Variants in METAP1 observed in about 807,000 individuals in gnomAD.
The protein encoded by METAP1 is methionyl aminopeptidase 1, also known as methionine aminopeptidase 1.
A neutral mutation model predicts 53.8 loss-of-function variants in METAP1; 28 were observed. That is an observed-to-expected ratio of 0.52 (90% confidence interval 0.39 to 0.71). The LOEUF is 0.71. METAP1 is among the 30% of genes least tolerant of loss of function. The pLI is 0.00. For synonymous variants in METAP1, 181 were observed against 165.7 expected, an observed-to-expected ratio of 1.09 and a Z score of -0.71; for missense variants, 389 against 479.8, an observed-to-expected ratio of 0.81 and a Z score of 1.77.
At chr4:98,999,022 G>C (rs1443244635) in intron 1 of METAP1, among the ~76,000 whole-genome samples, 1 of 152,100 alleles carries the variant, frequency 6.6e-6, no homozygotes, top group Non-Finnish European at 1.5e-5. Flanking sequence ...GTTGAGGCTG[G>C]TCTCGAACTG....
chr4:99,038,039 G>A (rs2110356963), intron 4 of METAP1: 1 of 151,868 alleles, frequency 6.6e-6, no homozygotes, highest in South Asian at 2.1e-4. Context: ...TTATTCCTGG[G>A]TACTTCATCT....
chr4:98,995,761 C>T lies in METAP1; in HGVS notation c.8C>T (p.Ala3Val). 1.3e-6 allele frequency: 2 copies of T among 1,544,648 alleles called. No individual in the cohort carries two copies. Among genetic ancestry groups the T allele is most frequent in the Non-Finnish European group, 1.7e-6 (2 of 1,143,792 alleles). The stretch of plus-strand genomic sequence containing the variant: ...TTCCAGCGGGCAGGCAGCATGGCGG[C>T]CGTGGAGACGCGGGTGTGCGAGACA... MA[A>V]VETRVCETDG... The change falls in exon 1 of 11, where the codon GCC becomes GTC. Residue 3 changes from alanine to valine, a missense_variant. Transcript: ENST00000296411.
At position 99,005,893 on chromosome 4, in the gene METAP1, G is replaced by C. The variant is rs60855502; in HGVS notation, c.114+10026G>C. ...TGGGTACTCAAAGACATTCGGAGTG[G>C]TATAATGGACTTTGGAGACTCAGAA... On this transcript the variant is annotated intron_variant, in intron 1 of 10. Coordinates refer to ENST00000296411, the MANE Select transcript of METAP1 (RefSeq NM_015143.3). 2.3e-3 allele frequency: 645 copies of C among 285,288 alleles called. 3 individuals are homozygous for C. Among genetic ancestry groups the C allele is most frequent in the African/African-American group, 0.013 (601 of 44,632 alleles). 17.7% of individuals were successfully genotyped at this position (285,288 alleles called of 1,614,324 possible).
intron 10 of METAP1, among the ~76,000 whole-genome samples, chr4:99,060,403 GC>G (rs2110440900): frequency 7.6e-6 from 1 of 131,424 alleles, no homozygotes; most frequent in Admixed American, 9.4e-5. Flanking sequence ...TTGGTCTGTC[GC>G]CCAGGCTGGA....
chr4:99,026,649 G>A (rs1186895698), intron 1 of METAP1: 4 of 985,284 alleles, frequency 4.1e-6, no homozygotes, highest in Non-Finnish European at 4.8e-6. Flanking sequence ...ACTCTTCAGA[G>A]AATGGATAGT....
At chr4:99,057,959 C>T (rs1009119637) in intron 10 of METAP1, 141 bp downstream of exon 10, 4 of 691,614 alleles carry the variant, frequency 5.8e-6, no homozygotes, top group East Asian at 2.7e-5. Context: ...GATTCAGTAT[C>T]GTGAAGAACT....
chr4:99,011,614 C>G (rs1466151206), intron 1 of METAP1, among the ~76,000 whole-genome samples: 1 of 152,088 alleles, frequency 6.6e-6, no homozygotes, highest in African/African-American at 2.4e-5. Context: ...TAGTCTTTAT[C>G]TGGCTTTGGT....
intron 1 of METAP1, among the ~76,000 whole-genome samples, chr4:99,020,594 A>C (rs1724049222): frequency 6.6e-6 from 1 of 152,096 alleles, no homozygotes; most frequent in Non-Finnish European, 1.5e-5. Context: ...AGGGGATCCC[A>C]CTGGATATTC....
intron 1 of METAP1, chr4:99,026,132 G>T (rs1486960269): frequency 3.1e-6 from 2 of 640,318 alleles, no homozygotes; most frequent in African/African-American, 4.0e-5. Flanking sequence ...TGTCACTGGT[G>T]CATCCTTAAC....
intron 1 of METAP1, among the ~76,000 whole-genome samples, chr4:99,017,570 G>A (rs1230182): frequency 0.16 from 23,984 of 152,230 alleles, 3,216 homozygotes; most frequent in East Asian, 0.8. Flanking sequence ...CAAATGTTCT[G>A]TTTGCAGCAA....
chr4:98,996,614 C>T (rs28550936), intron 1 of METAP1, among the ~76,000 whole-genome samples: 2,059 of 152,272 alleles, frequency 0.014, 40 homozygotes, highest in African/African-American at 0.047. Flanking sequence ...AGGACAGTTC[C>T]ATTGAGGGTT....
In METAP1 at chr4:99,061,421, T is replaced by C. The variant is rs1727541012; in HGVS notation, c.*104T>C. The stretch of plus-strand genomic sequence containing the variant: ...CTTTTTTTAATCACTTGTTTTGTTT[T>C]GACTATAGATAAGAAAGGACTACAG... On this transcript the variant is annotated 3_prime_UTR_variant, in exon 11 of 11. Coordinates refer to ENST00000296411, the MANE Select transcript of METAP1 (RefSeq NM_015143.3). 1.8e-6 allele frequency: 2 copies of C among 1,127,936 alleles called. No homozygotes were observed. Among genetic ancestry groups the C allele is most frequent in the Non-Finnish European group, 2.5e-6 (2 of 800,570 alleles). The allele number at this position is 1,127,936 out of a possible 1,614,324, so 69.9% of individuals were successfully genotyped here.
At chr4:99,019,920 T>C (rs1476565738) in intron 1 of METAP1, among the ~76,000 whole-genome samples, 2 of 152,200 alleles carry the variant, frequency 1.3e-5, no homozygotes, top group Non-Finnish European at 2.9e-5. Flanking sequence ...TTTCTCTTGT[T>C]GTTCATCAAA....
rs556761582 is a variant in METAP1, at chr4:99,051,546, C to T, written c.931+2670C>T. Among the ~76,000 whole-genome samples the T allele has an allele frequency of 2.0e-5, 3 of 151,938 alleles. No homozygotes were observed. In the South Asian group the frequency reaches 6.3e-4, roughly 32 times the overall value. ...AGCTGGTACTTCAGGTGTGGGCCAC[C>T]ATCCCTGGCTAATTTTTATATTTTT... On this transcript the variant is annotated intron_variant, in intron 9 of 10. Coordinates refer to ENST00000296411, the MANE Select transcript of METAP1 (RefSeq NM_015143.3).
intron 1 of METAP1, among the ~76,000 whole-genome samples, chr4:98,996,179 C>T (rs1322418356): frequency 6.6e-6 from 1 of 151,984 alleles, no homozygotes; most frequent in Non-Finnish European, 1.5e-5. Flanking sequence ...GGCCGGTTCC[C>T]CGCGCTGGGG....
chr4:99,035,732 A>C (rs983709563), intron 4 of METAP1, among the ~76,000 whole-genome samples: 1 of 149,836 alleles, frequency 6.7e-6, no homozygotes, highest in Non-Finnish European at 1.5e-5. Context: ...TTACTAAAAA[A>C]CAGTTTTTAA....
intron 9 of METAP1, among the ~76,000 whole-genome samples, chr4:99,053,772 A>C (rs1257709775): frequency 6.6e-6 from 1 of 152,122 alleles, no homozygotes; most frequent in Non-Finnish European, 1.5e-5. Flanking sequence ...CTCCTTGTAC[A>C]TCTCTGTTAG....
chr4:99,049,584 A>G (rs1269329205), intron 9 of METAP1, among the ~76,000 whole-genome samples: 1 of 152,164 alleles, frequency 6.6e-6, no homozygotes, highest in Non-Finnish European at 1.5e-5. Context: ...TTACAGAAAC[A>G]TTTTCTGTAG....
chr4:99,061,538 C>T lies in METAP1; in HGVS notation c.*221C>T, dbSNP rs958919131. ...TGCTCAACTCTTCAGCCCCCTCCCC[C>T]TGCACACCTGTTTTCTCATTTGCCC... On this transcript the variant is annotated 3_prime_UTR_variant, in exon 11 of 11. Transcript: ENST00000296411. The T allele has an allele frequency of 7.9e-6, 3 of 381,032 alleles. No individual in the cohort carries two copies. The highest frequency in any genetic ancestry group is 1.4e-5 in the Non-Finnish European group (3 of 216,668). 23.6% of individuals were successfully genotyped at this position (381,032 alleles called of 1,614,324 possible).
Sources: allele counts gnomAD v4.1 joint callset (sites outside exome capture counted in the v4.1 genomes callset), GRCh38; gene constraint gnomAD v4.1.1; transcripts MANE v1.5; gene names NCBI Gene and HGNC (gene_info 2026-07-23, HGNC 2026-07-21).